The following EML6 variants were observed in gnomAD, a reference collection of about 807,000 sequenced individuals.
EML6 encodes EMAP like 6.
A neutral mutation model predicts 240.1 loss-of-function variants in EML6; 154 were observed. That is an observed-to-expected ratio of 0.64 (90% CI 0.56 to 0.73). The LOEUF is 0.73. Ranked by LOEUF, EML6 falls within the 30% of genes least tolerant of loss-of-function variation. EML6 has a pLI of 0.00. For synonymous variants in EML6, 1,148 were observed against 899.0 expected (o/e 1.28, Z -4.95); for missense variants, 2,964 against 2,474.6 (o/e 1.20, Z -4.20).
intron 2 of EML6, among the ~76,000 whole-genome samples, chr2:54,788,619 A>G (rs1212867569): frequency 2.0e-5 from 3 of 152,218 alleles, no homozygotes; most frequent in African/African-American, 7.2e-5. Context: ...ATGATCAAAC[A>G]AGATTTCGCC....
chr2:54,895,017 A>G lies in EML6; in HGVS notation c.2845A>G (p.Ser949Gly). ...CATTAAAAGATCAGCATTGTCGACT[A>G]GCTCAAAAGGTGCCACTCCCAAACA... The part of the protein sequence containing the change: ...YAIKRSALST[S>G]SKGLLLEDNP... Residue 949 changes from serine to glycine, a missense_variant, in exon 20 of 42, where the codon AGC (serine) becomes GGC (glycine). Transcript: ENST00000356458. 1 of 1,549,684 alleles carries G rather than the reference A, an allele frequency of 6.5e-7. No individual in the cohort carries two copies. Among genetic ancestry groups the G allele is most frequent in the African/African-American group, 1.4e-5 (1 of 73,138 alleles).
At chr2:54,729,505 G>A (rs1683063094) in intron 2 of EML6, among the ~76,000 whole-genome samples, 3 of 152,192 alleles carry the variant, frequency 2.0e-5, no homozygotes, top group Admixed American at 2.0e-4. Flanking sequence ...CCCTCTCACA[G>A]TCCAGTGAGA....
chr2:54,948,367 C>T lies in EML6; in HGVS notation c.4005-515C>T, dbSNP rs554645640. On this transcript the variant is annotated intron_variant, in intron 28 of 41. Coordinates refer to ENST00000356458, the MANE Select transcript of EML6 (RefSeq NM_001039753.4). Reference sequence around the variant, plus strand: ...TGCCTGCCTGTCTGAGAAGTGAGGCCGACCTAGGCACTTGGCCTGTGGTCC... The same window carrying T: ...TGCCTGCCTGTCTGAGAAGTGAGGCTGACCTAGGCACTTGGCCTGTGGTCC... Among the ~76,000 whole-genome samples the T allele has an allele frequency of 4.6e-5, 7 of 152,186 alleles. No individual in the cohort carries two copies. In the South Asian group the frequency reaches 1.2e-3, roughly 27 times the overall value.
At chr2:54,933,690 C>G (rs1222637328) in intron 28 of EML6, among the ~76,000 whole-genome samples, 1 of 152,140 alleles carries the variant, frequency 6.6e-6, no homozygotes, top group Non-Finnish European at 1.5e-5. Flanking sequence ...CAAGATGGCA[C>G]TGCTGCACTC....
intron 8 of EML6, among the ~76,000 whole-genome samples, chr2:54,846,278 C>T (rs1451788044): frequency 6.6e-6 from 1 of 151,984 alleles, no homozygotes; most frequent in Non-Finnish European, 1.5e-5. Flanking sequence ...GGAAGGCCAA[C>T]AAATGTAACA....
intron 2 of EML6, among the ~76,000 whole-genome samples, chr2:54,749,912 T>C (rs1167004160): frequency 6.6e-6 from 1 of 152,216 alleles, no homozygotes; most frequent in East Asian, 1.9e-4. Flanking sequence ...TGAACTCCCA[T>C]CACGGTATGT....
At chr2:54,836,992 G>A (rs570869441) in intron 7 of EML6, among the ~76,000 whole-genome samples, 4 of 152,286 alleles carry the variant, frequency 2.6e-5, no homozygotes, top group South Asian at 2.1e-4. Context: ...CCCTTCCTGA[G>A]GGGCTGCAAG....
chr2:54,813,768 C>T (rs746653407), intron 3 of EML6, among the ~76,000 whole-genome samples: 15 of 152,164 alleles, frequency 9.9e-5, no homozygotes, highest in Non-Finnish European at 1.8e-4. Context: ...GTCTGTAGTA[C>T]CTCTTGCTTT....
chr2:54,782,354 G>A (rs1668889810), intron 2 of EML6, among the ~76,000 whole-genome samples: 1 of 152,022 alleles, frequency 6.6e-6, no homozygotes, highest in African/African-American at 2.4e-5. Flanking sequence ...TTTTATATTG[G>A]GAAGCATGAT....
At chr2:54,790,806 A>G (rs1669400167) in intron 2 of EML6, among the ~76,000 whole-genome samples, 1 of 150,240 alleles carries the variant, frequency 6.7e-6, no homozygotes, top group Admixed American at 6.7e-5. Flanking sequence ...GCTCACTGCA[A>G]GCTCCGCCTC....
chr2:54,857,446 C>T (rs10496033), intron 11 of EML6, among the ~76,000 whole-genome samples: 46,086 of 151,948 alleles, frequency 0.3, 7,255 homozygotes, highest in Non-Finnish European at 0.33. Flanking sequence ...AAGAAGTGTT[C>T]GTTAAATGCT....
intron 26 of EML6, among the ~76,000 whole-genome samples, chr2:54,918,298 C>G (rs1188824930): frequency 6.6e-6 from 1 of 152,172 alleles, no homozygotes; most frequent in Non-Finnish European, 1.5e-5. Flanking sequence ...CACGTCAACT[C>G]AAGGAACCTC....
intron 28 of EML6, among the ~76,000 whole-genome samples, chr2:54,946,005 C>A (rs746801954): frequency 2.0e-5 from 3 of 152,202 alleles, no homozygotes; most frequent in Non-Finnish European, 4.4e-5. Flanking sequence ...AACACCAAGC[C>A]CCAGGCTGGA....
intron 2 of EML6, among the ~76,000 whole-genome samples, chr2:54,784,179 C>G (rs369084317): frequency 2.0e-5 from 3 of 152,100 alleles, no homozygotes; most frequent in Non-Finnish European, 4.4e-5. Flanking sequence ...CTCTTGGGCT[C>G]AAATGGTCCT....
At chr2:54,753,076 A>G (rs763688422) in intron 2 of EML6, among the ~76,000 whole-genome samples, 15 of 152,256 alleles carry the variant, frequency 9.9e-5, no homozygotes, top group African/African-American at 7.2e-5. Context: ...ATCATAGGGC[A>G]TGCACATGTT....
rs1004922300 is a variant in EML6 at position 54,967,011 on chromosome 2, T to C, written c.5505T>C (p.Gly1835=). 7.1e-6 allele frequency: 11 copies of C among 1,550,668 alleles called. No homozygotes were observed. The highest frequency in any genetic ancestry group is 3.4e-4 in the Middle Eastern group (2 of 5,950). ...CCTTCTACCTACAGGTGTCAACAGGTGCCTATAAGCGCCAGGTGCATGAGG... is the reference window on the plus strand; with the variant it reads ...CCTTCTACCTACAGGTGTCAACAGGCGCCTATAAGCGCCAGGTGCATGAGG... ...ADGKYIQVST[G]AYKRQVHEVP... Residue 1835 remains glycine, a synonymous_variant, in exon 39 of 42, where the codon GGT becomes GGC. Transcript: ENST00000356458.
At chr2:54,910,270 A>G (rs1480903575) in intron 24 of EML6, among the ~76,000 whole-genome samples, 1 of 152,230 alleles carries the variant, frequency 6.6e-6, no homozygotes, top group South Asian at 2.1e-4. Flanking sequence ...AGTCATTTAC[A>G]TTTTAAGCCT....
chr2:54,849,993 C>G lies in EML6; in HGVS notation c.1219C>G (p.Arg407Gly), dbSNP rs866848042. 13 of 1,551,306 alleles carry G rather than the reference C, an allele frequency of 8.4e-6. No homozygotes were observed. Among genetic ancestry groups the G allele is most frequent in the South Asian group, 3.6e-5 (3 of 84,038 alleles). Residue 407 changes from arginine (R) to glycine (G), a missense_variant, in exon 10 of 42, where the codon CGA becomes GGA. Coordinates refer to ENST00000356458, the MANE Select transcript of EML6 (RefSeq NM_001039753.4). ...GACAGAAGTAGTTCACATCAAAGAT[C>G]GAAAAGAAGTCATTCATGAAATGAA... The part of the protein sequence containing the change: ...DMTEVVHIKD[R>G]KEVIHEMKFS...
intron 25 of EML6, 50 bp downstream of exon 25, chr2:54,911,092 A>G (rs926332446): frequency 3.1e-6 from 3 of 968,494 alleles, no homozygotes; most frequent in African/African-American, 3.3e-5. Context: ...AAGATTTAAT[A>G]TGTGCATTTT....
Sources: gnomAD v4.1 joint callset for allele counts (sites outside exome capture counted in the v4.1 genomes callset) on GRCh38, gnomAD v4.1.1 for gene constraint, MANE v1.5 for transcripts, NCBI Gene and HGNC (gene_info 2026-07-23, HGNC 2026-07-21) for gene names.